KCNH5: variants seen among roughly 807,000 people sequenced by gnomAD.
The protein encoded by KCNH5 is potassium voltage-gated channel subfamily H member 5, also known as voltage-gated delayed rectifier potassium channel KCNH5.
A neutral mutation model predicts 96.1 loss-of-function variants in KCNH5; 46 were observed. That is an observed-to-expected ratio of 0.48 (90% CI 0.38 to 0.61). The LOEUF is 0.61. KCNH5 is among the 20% of genes least tolerant of loss of function. KCNH5 has a pLI of 0.00. For synonymous variants in KCNH5, 439 were observed against 449.8 expected, an observed-to-expected ratio of 0.98 and a Z score of 0.30; for missense variants, 907 against 1,225.8, an observed-to-expected ratio of 0.74 and a Z score of 3.88.
At chr14:63,007,430 T>A (rs1891147453) in intron 2 of KCNH5, among the ~76,000 whole-genome samples, 1 of 152,134 alleles carries the variant, frequency 6.6e-6, no homozygotes, top group South Asian at 2.1e-4. Context: ...ACTCATAAGT[T>A]TTTTAAGAAG....
At chr14:62,711,780 A>G (rs1884574045) in intron 10 of KCNH5, among the ~76,000 whole-genome samples, 1 of 152,210 alleles carries the variant, frequency 6.6e-6, no homozygotes, top group Non-Finnish European at 1.5e-5. Flanking sequence ...TCATTTGTGA[A>G]TTCAGTCTGC....
At chr14:62,793,446 T>C (rs1886475772) in intron 9 of KCNH5, among the ~76,000 whole-genome samples, 1 of 151,714 alleles carries the variant, frequency 6.6e-6, no homozygotes, top group Admixed American at 6.6e-5. Context: ...GATATTTGTG[T>C]ATCAATTATA....
rs376998697 is a variant in KCNH5, at chr14:62,806,574, C to T, written c.1570-3993G>A. On this transcript the variant is annotated intron_variant, in intron 8 of 10. Coordinates refer to ENST00000322893, the MANE Select transcript of KCNH5 (RefSeq NM_139318.5). ...TCCCTACAAAGGAAGCAGACCGCAG[C>T]ACTGACTGGATAACTTTGGGTAAGT... 2.0e-5 allele frequency among the ~76,000 whole-genome samples: 3 copies of T among 152,232 alleles called. No individual in the cohort carries two copies. The East Asian group carries it at 5.8e-4, about 30-fold the overall frequency.
At position 62,739,951 on chromosome 14, in the gene KCNH5, T is replaced by C. The variant is rs79588407; in HGVS notation, c.2020-31496A>G. Among the ~76,000 whole-genome samples the C allele has an allele frequency of 2.7e-4, 41 of 152,228 alleles. No homozygotes were observed. In the East Asian group the frequency reaches 6.9e-3, roughly 26 times the overall value. On this transcript the variant is annotated intron_variant, in intron 10 of 10. Coordinates refer to ENST00000322893, the MANE Select transcript of KCNH5 (RefSeq NM_139318.5). ...ATGTAAACCTTTCAGCAAAGTAAGATGATGATTTTGGAGGGTAGGGAAATG... is the reference window on the plus strand; with the variant it reads ...ATGTAAACCTTTCAGCAAAGTAAGACGATGATTTTGGAGGGTAGGGAAATG...
intron 6 of KCNH5, among the ~76,000 whole-genome samples, chr14:62,955,117 A>G (rs893529413): frequency 1.3e-5 from 2 of 151,774 alleles, no homozygotes; most frequent in African/African-American, 4.8e-5. Flanking sequence ...ACTCAACTCT[A>G]TTAGGAAATG....
intron 10 of KCNH5, among the ~76,000 whole-genome samples, chr14:62,734,904 T>C (rs1885125514): frequency 6.6e-6 from 1 of 152,176 alleles, no homozygotes. Flanking sequence ...TTTAGAAATA[T>C]ATACGTTGAA....
At chr14:62,911,279 T>C (rs1749820501) in intron 7 of KCNH5, among the ~76,000 whole-genome samples, 1 of 151,302 alleles carries the variant, frequency 6.6e-6, no homozygotes, top group African/African-American at 2.4e-5. Context: ...TTCTTTTTTT[T>C]TTCTTTTTTT....
chr14:62,780,751 GT>G (rs1450899233), intron 9 of KCNH5, among the ~76,000 whole-genome samples: 2 of 152,088 alleles, frequency 1.3e-5, no homozygotes, highest in Non-Finnish European at 2.9e-5. Flanking sequence ...AGAGTCTAAG[GT>G]TAAAGGTCCC....
In KCNH5 at chr14:62,705,461, A is replaced by G. The variant is rs1249645838; in HGVS notation, c.*2047T>C. On this transcript the variant is annotated 3_prime_UTR_variant, in exon 11 of 11. Coordinates refer to ENST00000322893, the MANE Select transcript of KCNH5 (RefSeq NM_139318.5). ...TATCATCCTCACCATGAAAGCAACAAAATTCCAATTTCAAGGCTGATTCTT... is the reference window on the plus strand; with the variant it reads ...TATCATCCTCACCATGAAAGCAACAGAATTCCAATTTCAAGGCTGATTCTT... 1 of 152,014 alleles carries G rather than the reference A, an allele frequency of 6.6e-6. No homozygotes were observed. The highest frequency in any genetic ancestry group is 1.5e-5 in the Non-Finnish European group (1 of 67,874). The allele number at this position is 152,014 out of a possible 1,614,324, so 9.4% of individuals were successfully genotyped here. A position where few individuals can be genotyped will look rare whatever the true frequency, so the allele number is the denominator to read the frequency against.
chr14:62,967,373 T>C (rs1170458524), intron 6 of KCNH5, among the ~76,000 whole-genome samples: 1 of 151,970 alleles, frequency 6.6e-6, no homozygotes, highest in Non-Finnish European at 1.5e-5. Flanking sequence ...TTAGCCACCA[T>C]GCCCAGCCCT....
At chr14:62,946,534 T>G (rs1657494428) in intron 7 of KCNH5, among the ~76,000 whole-genome samples, 1 of 151,988 alleles carries the variant, frequency 6.6e-6, no homozygotes, top group African/African-American at 2.4e-5. Context: ...TTATTTTCAG[T>G]TCCAGGGTAC....
chr14:62,746,882 T>A (rs956251059), intron 10 of KCNH5, among the ~76,000 whole-genome samples: 13 of 152,250 alleles, frequency 8.5e-5, no homozygotes, highest in African/African-American at 2.4e-4. Flanking sequence ...CTTTATTATG[T>A]TCTTTCACAA....
At chr14:62,856,558 C>G (rs1887933421) in intron 7 of KCNH5, among the ~76,000 whole-genome samples, 2 of 152,182 alleles carry the variant, frequency 1.3e-5, no homozygotes, top group Admixed American at 1.3e-4. Flanking sequence ...TTCCAGCAAT[C>G]TGTGATCATC....
intron 2 of KCNH5, among the ~76,000 whole-genome samples, chr14:63,015,231 T>C (rs931631867): frequency 2.6e-5 from 4 of 152,114 alleles, no homozygotes; most frequent in African/African-American, 9.7e-5. Context: ...TTAAAAATAC[T>C]GACTCCCTGC....
chr14:62,741,534 G>A (rs189746207), intron 10 of KCNH5, among the ~76,000 whole-genome samples: 11 of 152,146 alleles, frequency 7.2e-5, no homozygotes, highest in Non-Finnish European at 1.3e-4. Context: ...AGTGGCTGAC[G>A]TTTGGTCCCC....
At chr14:62,714,187 G>A (rs775867346) in intron 10 of KCNH5, among the ~76,000 whole-genome samples, 2 of 152,090 alleles carry the variant, frequency 1.3e-5, no homozygotes, top group Non-Finnish European at 2.9e-5. Flanking sequence ...TACTTGGGAG[G>A]CTGAGGCAGG....
At chr14:62,895,534 T>A (rs192772293) in intron 7 of KCNH5, among the ~76,000 whole-genome samples, 37 of 152,284 alleles carry the variant, frequency 2.4e-4, no homozygotes, top group African/African-American at 8.7e-4. Flanking sequence ...GGTTTCACTA[T>A]GTTGTCCAGG....
chr14:63,003,618 A>ATT (rs1566537008), intron 3 of KCNH5, among the ~76,000 whole-genome samples: 58 of 124,356 alleles, frequency 4.7e-4, no homozygotes, highest in Admixed American at 1.0e-3. Flanking sequence ...TTATATATAT[A>ATT]TATATATTTT....
At chr14:62,718,246 C>T (rs975205365) in intron 10 of KCNH5, among the ~76,000 whole-genome samples, 16 of 151,942 alleles carry the variant, frequency 1.1e-4, no homozygotes, top group Non-Finnish European at 1.6e-4. Context: ...CAGCATCACA[C>T]GACATATCCA....
Sources: gnomAD v4.1 joint callset for allele counts (sites outside exome capture counted in the v4.1 genomes callset) on GRCh38, gnomAD v4.1.1 for gene constraint, MANE v1.5 for transcripts, NCBI Gene and HGNC (gene_info 2026-07-23, HGNC 2026-07-21) for gene names.